PAM: variants seen among roughly 807,000 people sequenced by gnomAD.
PAM encodes peptidylglycine alpha-amidating monooxygenase, also known as peptidyl-glycine alpha-amidating monooxygenase.
A neutral mutation model predicts 122.1 loss-of-function variants in PAM; 72 were observed. That is an observed-to-expected ratio of 0.59 (90% CI 0.49 to 0.72). PAM has a LOEUF of 0.72. PAM is among the 30% of genes least tolerant of loss of function. The pLI, the probability that PAM is intolerant of heterozygous loss-of-function variation, is 0.00. For synonymous variants in PAM, 389 were observed against 404.4 expected (o/e 0.96, Z 0.46); for missense variants, 1,106 against 1,183.7 (o/e 0.93, Z 0.96).
chr5:103,027,774 AAATT>A (rs1260879810), intron 24 of PAM, among the ~76,000 whole-genome samples: 3 of 152,214 alleles, frequency 2.0e-5, no homozygotes, highest in East Asian at 3.8e-4. Context: ...AAAATTTTAT[AAATT>A]ATTAATAACA....
At chr5:102,908,959 G>A (rs77704441) in intron 4 of PAM, among the ~76,000 whole-genome samples, 1,880 of 151,794 alleles carry the variant, frequency 0.012, 25 homozygotes, top group Middle Eastern at 0.027. Flanking sequence ...GAACATTAAG[G>A]TTGATTGATC....
intron 1 of PAM, among the ~76,000 whole-genome samples, chr5:102,807,066 T>C (rs977151302): frequency 1.3e-5 from 2 of 152,226 alleles, no homozygotes; most frequent in African/African-American, 4.8e-5. Context: ...TCATTTTTGA[T>C]TGTGATATGA....
chr5:103,014,035 TG>T (rs1469253908), intron 21 of PAM, among the ~76,000 whole-genome samples: 1 of 152,186 alleles, frequency 6.6e-6, no homozygotes, highest in East Asian at 1.9e-4. Flanking sequence ...AGATCCTTAT[TG>T]ATTATCCAGT....
intron 3 of PAM, among the ~76,000 whole-genome samples, chr5:102,886,624 A>G (rs946203504): frequency 6.6e-6 from 1 of 152,026 alleles, no homozygotes; most frequent in African/African-American, 2.4e-5. Context: ...ACCCTGTTGT[A>G]TCACTCTTAT....
intron 16 of PAM, among the ~76,000 whole-genome samples, chr5:103,001,576 G>A (rs1474917795): frequency 1.3e-5 from 2 of 152,046 alleles, no homozygotes; most frequent in Non-Finnish European, 2.9e-5. Context: ...GTGTTCAATT[G>A]AATGCATCAT....
intron 14 of PAM, among the ~76,000 whole-genome samples, chr5:102,971,710 A>T (rs1335426123): frequency 6.6e-6 from 1 of 152,240 alleles, no homozygotes; most frequent in Non-Finnish European, 1.5e-5. Context: ...AGGGGTCAGG[A>T]CCACCAACTT....
Position 103,003,061 on chromosome 5 carries a change from C to A in PAM, c.1642C>A (p.Gln548Lys). The change falls in exon 17 of 26, where the codon CAA becomes AAA. Residue 548 changes from glutamine (Q) to lysine (K), a missense_variant. Gln to Lys is a moderately conservative substitution (Grantham distance 53). Coordinates refer to ENST00000438793, the MANE Select transcript of PAM (RefSeq NM_001177306.2). ...GTTTGACAGCAAGTTTGTTTACCAGCAAATAGGACTCGGACCAATTGAAGA... is the reference window on the plus strand; with the variant it reads ...GTTTGACAGCAAGTTTGTTTACCAGAAAATAGGACTCGGACCAATTGAAGA... ...NSFDSKFVYQ[Q>K]IGLGPIEEDT... is the part of the protein sequence containing the mutation. The A allele has an allele frequency of 6.3e-7, 1 of 1,599,346 alleles. No individual in the cohort carries two copies. Among genetic ancestry groups the A allele is most frequent in the Non-Finnish European group, 8.6e-7 (1 of 1,166,892 alleles).
chr5:103,018,971 G>A (rs1340221811), intron 22 of PAM, among the ~76,000 whole-genome samples: 1 of 152,156 alleles, frequency 6.6e-6, no homozygotes, highest in Non-Finnish European at 1.5e-5. Context: ...AGAATCTAAT[G>A]ACACCACTGA....
chr5:102,944,420 T>C (rs1001556414), intron 7 of PAM, among the ~76,000 whole-genome samples: 8 of 151,056 alleles, frequency 5.3e-5, no homozygotes, highest in African/African-American at 1.9e-4. Context: ...AAAGAAAGAA[T>C]ATTTACTTTG....
In PAM at chr5:102,992,007, T is replaced by C. The variant is rs75972523; in HGVS notation, c.1613+1606T>C. Among the ~76,000 whole-genome samples, 1,018 of 152,226 alleles carry C rather than the reference T, an allele frequency of 6.7e-3. 8 individuals are homozygous for C. Among genetic ancestry groups the C allele is most frequent in the Non-Finnish European group, 0.012 (849 of 67,994 alleles). On this transcript the variant is annotated intron_variant, in intron 16 of 25. Transcript: ENST00000438793. ...GCCAATTTTTCATTTTAATGTGATA[T>C]TCATTTCCAAGTAAACAGCAGAGAC...
At chr5:102,771,585 T>C (rs1401123244) in intron 1 of PAM, among the ~76,000 whole-genome samples, 2 of 152,130 alleles carry the variant, frequency 1.3e-5, no homozygotes, top group Non-Finnish European at 2.9e-5. Context: ...TGTCTTCATG[T>C]CTGGTGGCTT....
chr5:102,896,395 A>G (rs1399834189), intron 3 of PAM, among the ~76,000 whole-genome samples: 1 of 151,726 alleles, frequency 6.6e-6, no homozygotes, highest in African/African-American at 2.4e-5. Flanking sequence ...ATAAAACCCT[A>G]ATTAGGCAGC....
intron 5 of PAM, among the ~76,000 whole-genome samples, chr5:102,922,373 A>G (rs1346812891): frequency 6.6e-6 from 1 of 152,154 alleles, no homozygotes; most frequent in Non-Finnish European, 1.5e-5. Flanking sequence ...TTTTTCAGGC[A>G]GACAGCTGGG....
At chr5:102,801,772 A>ATTTTTTTTTTTTTTTTT (rs36068804) in intron 1 of PAM, among the ~76,000 whole-genome samples, 4 of 98,976 alleles carry the variant, frequency 4.0e-5, no homozygotes, top group South Asian at 3.5e-4. Flanking sequence ...GGGAAAAGGT[A>ATTTTTTTTTTTTTTTTT]TTTTTTTTTT....
At chr5:102,786,870 A>G (rs940967520) in intron 1 of PAM, among the ~76,000 whole-genome samples, 1 of 152,144 alleles carries the variant, frequency 6.6e-6, no homozygotes, top group African/African-American at 2.4e-5. Flanking sequence ...AAAACTCTAT[A>G]TCAAAAGTTA....
At position 103,025,124 on chromosome 5, in the gene PAM, C is replaced by T. The variant is rs1784591244; in HGVS notation, c.2486-7C>T. The T allele has an allele frequency of 8.7e-6, 14 of 1,605,574 alleles. No individual in the cohort carries two copies. Among genetic ancestry groups the T allele is most frequent in the Non-Finnish European group, 1.1e-5 (13 of 1,172,604 alleles). On this transcript the variant is annotated splice_polypyrimidine_tract_variant and splice_region_variant and intron_variant, in intron 23 of 25. Coordinates refer to ENST00000438793, the MANE Select transcript of PAM (RefSeq NM_001177306.2). ...GTTGAATATTGTGAACTCTTCTTTCCCTGAAGAAGCCGAGGCAGTTGTTGA... is the reference window on the plus strand; with the variant it reads ...GTTGAATATTGTGAACTCTTCTTTCTCTGAAGAAGCCGAGGCAGTTGTTGA...
chr5:102,996,723 C>T (rs754925707), intron 16 of PAM, among the ~76,000 whole-genome samples: 33 of 152,118 alleles, frequency 2.2e-4, no homozygotes, highest in Non-Finnish European at 4.0e-4. Flanking sequence ...AACATATAGA[C>T]GTCTGTTAAA....
At position 102,831,421 on chromosome 5, in the gene PAM, G is replaced by A. The variant is rs540055040; in HGVS notation, c.-373-34402G>A. ...CTTTTAAGTATGACCCTTCATTATC[G>A]AGCTCTTTTTTTTTCCTTTTTTTTT... is the stretch of plus-strand genomic sequence containing the variant. On this transcript the variant is annotated intron_variant, in intron 1 of 25. Coordinates refer to ENST00000438793, the MANE Select transcript of PAM (RefSeq NM_001177306.2). Among the ~76,000 whole-genome samples the A allele has an allele frequency of 1.4e-3, 176 of 127,658 alleles. 1 individual carries two copies. The highest frequency in any genetic ancestry group is 8.1e-3 in the South Asian group (26 of 3,194). The allele number at this position is 127,658 out of a possible 152,430, so 83.7% of individuals were successfully genotyped here.
chr5:102,886,845 T>C lies in PAM; in HGVS notation c.211-14511T>C, dbSNP rs190236862. Among the ~76,000 whole-genome samples, 40 of 152,206 alleles carry C rather than the reference T, an allele frequency of 2.6e-4. 1 individual carries two copies. Among genetic ancestry groups the C allele is most frequent in the East Asian group, 2.3e-3 (12 of 5,172 alleles). On this transcript the variant is annotated intron_variant, in intron 3 of 25. Coordinates refer to ENST00000438793, the MANE Select transcript of PAM (RefSeq NM_001177306.2). ...TGGGAAAGATATTGTTTGCACAGTA[T>C]TCTGTATTGTGCCTTGCACATAGAA...
Sources: gnomAD v4.1 joint callset for allele counts (sites outside exome capture counted in the v4.1 genomes callset) on GRCh38, gnomAD v4.1.1 for gene constraint, MANE v1.5 for transcripts, NCBI Gene and HGNC (gene_info 2026-07-23, HGNC 2026-07-21) for gene names.